The following RBMS3 variants were observed in gnomAD, a reference collection of about 807,000 sequenced individuals.
The protein encoded by RBMS3 is RNA-binding motif, single-stranded-interacting protein 3.
RBMS3 carries 27 observed loss-of-function variants against 66.8 expected under a neutral mutation model. That is an observed-to-expected ratio of 0.40 (90% CI 0.30 to 0.56). RBMS3 has a LOEUF of 0.56. Among genes scored for constraint, RBMS3 ranks in the 20% least tolerant of loss-of-function variants. The pLI is 0.40. For synonymous variants in RBMS3, 188 were observed against 183.0 expected (o/e 1.03, Z -0.22); for missense variants, 513 against 549.5 (o/e 0.93, Z 0.66).
At chr3:29,865,047 G>GGGAA (rs367736059) in intron 6 of RBMS3, among the ~76,000 whole-genome samples, 5 of 127,988 alleles carry the variant, frequency 3.9e-5, no homozygotes, top group Admixed American at 7.9e-5. Context: ...GGAGGAAGGA[G>GGGAA]GGAAGGAAGG....
intron 4 of RBMS3, chr3:29,616,429 T>C (rs1226720338): frequency 6.5e-6 from 1 of 152,700 alleles, no homozygotes; most frequent in Non-Finnish European, 1.5e-5. Flanking sequence ...GAGGTTGCAA[T>C]GAGCTGAGAT....
At chr3:29,607,972 A>C (rs1576349861) in intron 4 of RBMS3, among the ~76,000 whole-genome samples, 1 of 152,176 alleles carries the variant, frequency 6.6e-6, no homozygotes, top group South Asian at 2.1e-4. Context: ...CATACACAAA[A>C]GCAGAGAAAA....
At chr3:29,677,040 G>C (rs891539644) in intron 4 of RBMS3, among the ~76,000 whole-genome samples, 2 of 152,124 alleles carry the variant, frequency 1.3e-5, no homozygotes, top group Non-Finnish European at 2.9e-5. Context: ...AGCAGAAGCA[G>C]GCGTCTTACA....
chr3:29,777,186 C>T (rs943375827), intron 6 of RBMS3, among the ~76,000 whole-genome samples: 2 of 151,862 alleles, frequency 1.3e-5, no homozygotes, highest in Admixed American at 6.6e-5. Flanking sequence ...TTCCAACTTC[C>T]CTTTCCTTAA....
chr3:29,812,591 A>G (rs1328553382), intron 6 of RBMS3, among the ~76,000 whole-genome samples: 1 of 152,216 alleles, frequency 6.6e-6, no homozygotes, highest in African/African-American at 2.4e-5. Flanking sequence ...GTTGGGATCC[A>G]GTCTGCCCAT....
intron 10 of RBMS3, among the ~76,000 whole-genome samples, chr3:29,921,216 C>T (rs1272167843): frequency 6.6e-6 from 1 of 151,778 alleles, no homozygotes; most frequent in South Asian, 2.1e-4. Flanking sequence ...GCGCCCGCCA[C>T]CACGCCTGGC....
chr3:29,455,601 T>C (rs568074616), intron 2 of RBMS3, among the ~76,000 whole-genome samples: 2 of 152,306 alleles, frequency 1.3e-5, no homozygotes, highest in Non-Finnish European at 2.9e-5. Flanking sequence ...TTCATTGACA[T>C]TTGTCAATCA....
rs576130631 is a variant in RBMS3 at position 29,998,613 on chromosome 3, A to C, written c.1308-5243A>C. Among the ~76,000 whole-genome samples, 1,275 of 152,262 alleles carry C rather than the reference A, an allele frequency of 8.4e-3. 12 individuals are homozygous for C. Among genetic ancestry groups the C allele is most frequent in the African/African-American group, 0.023 (965 of 41,538 alleles). On this transcript the variant is annotated intron_variant, in intron 14 of 14. Transcript: ENST00000383767. ...ACAGAGCCCTCAGAAATAATGCCGC[A>C]TATCTACAACTATCTAATCTTTGAC...
At chr3:29,589,635 C>G (rs541484428) in intron 4 of RBMS3, among the ~76,000 whole-genome samples, 1 of 152,120 alleles carries the variant, frequency 6.6e-6, no homozygotes, top group African/African-American at 2.4e-5. Flanking sequence ...TAGCAGATTT[C>G]TCACTGAGCT....
At chr3:29,461,742 C>T (rs1290815260) in intron 2 of RBMS3, among the ~76,000 whole-genome samples, 3 of 149,876 alleles carry the variant, frequency 2.0e-5, no homozygotes, top group Non-Finnish European at 4.5e-5. Context: ...TTTTCTGAGT[C>T]TCTACTTCTT....
At chr3:29,473,560 C>T (rs112942591) in intron 2 of RBMS3, among the ~76,000 whole-genome samples, 5,592 of 152,276 alleles carry the variant, frequency 0.037, 156 homozygotes, top group Admixed American at 0.095. Flanking sequence ...CCAGGGGTGG[C>T]GCTCGTTGGG....
Position 29,506,638 on chromosome 3 carries a change from C to A in RBMS3, c.307+18139C>A, listed in dbSNP as rs140198249. ...CCCTCTGCTGCAATTTTTTGGAAGTCTTGTTTGAAAAGTATTAGTATCGGT... is the reference window on the plus strand; with the variant it reads ...CCCTCTGCTGCAATTTTTTGGAAGTATTGTTTGAAAAGTATTAGTATCGGT... On this transcript the variant is annotated intron_variant, in intron 3 of 14. Transcript: ENST00000383767. Among the ~76,000 whole-genome samples the A allele has an allele frequency of 2.2e-3, 328 of 151,974 alleles. 2 individuals carry two copies. The highest frequency in any genetic ancestry group is 7.6e-3 in the African/African-American group (316 of 41,526).
Position 29,521,026 on chromosome 3 carries a change from C to G in RBMS3, c.307+32527C>G, listed in dbSNP as rs544027960. Among the ~76,000 whole-genome samples the G allele has an allele frequency of 2.0e-4, 31 of 152,148 alleles. No individual in the cohort carries two copies. The South Asian group carries it at 6.2e-3, about 31-fold the overall frequency. ...CATCTCCGCTCACATTTAAGAGGCCCTCCTCTGACTTATTATCTAAAATAG... is the reference window on the plus strand; with the variant it reads ...CATCTCCGCTCACATTTAAGAGGCCGTCCTCTGACTTATTATCTAAAATAG... On this transcript the variant is annotated intron_variant, in intron 3 of 14. Coordinates refer to ENST00000383767, the MANE Select transcript of RBMS3 (RefSeq NM_001003793.3).
intron 1 of RBMS3, among the ~76,000 whole-genome samples, chr3:29,366,925 TC>T (rs1457499936): frequency 6.6e-6 from 1 of 152,120 alleles, no homozygotes; most frequent in Non-Finnish European, 1.5e-5. Flanking sequence ...TGGTCCTTGA[TC>T]AAGTAATCAA....
At chr3:29,916,721 A>T (rs116471264) in intron 10 of RBMS3, among the ~76,000 whole-genome samples, 2,861 of 152,132 alleles carry the variant, frequency 0.019, 38 homozygotes, top group South Asian at 0.037. Flanking sequence ...AATACGAAAC[A>T]TGTGGATTGT....
At chr3:29,284,333 C>G (rs1240513711) in intron 1 of RBMS3, among the ~76,000 whole-genome samples, 3 of 151,996 alleles carry the variant, frequency 2.0e-5, no homozygotes, top group Admixed American at 6.6e-5. Context: ...TTCTTCCTGC[C>G]AATCCACAAG....
chr3:29,833,869 C>T (rs2058436289), intron 6 of RBMS3, among the ~76,000 whole-genome samples: 1 of 151,976 alleles, frequency 6.6e-6, no homozygotes, highest in Non-Finnish European at 1.5e-5. Context: ...AGAAGACTCA[C>T]TACGACACAT....
intron 2 of RBMS3, among the ~76,000 whole-genome samples, chr3:29,440,245 T>C (rs1287419090): frequency 6.6e-6 from 1 of 152,210 alleles, no homozygotes; most frequent in Non-Finnish European, 1.5e-5. Context: ...ACAACATATT[T>C]TATCTAACCA....
At chr3:29,647,975 C>A (rs537289620) in intron 4 of RBMS3, among the ~76,000 whole-genome samples, 1 of 152,044 alleles carries the variant, frequency 6.6e-6, no homozygotes, top group Non-Finnish European at 1.5e-5. Flanking sequence ...TATATGAATT[C>A]CTGAAAGACT....
Sources: allele counts gnomAD v4.1 joint callset (sites outside exome capture counted in the v4.1 genomes callset), GRCh38; gene constraint gnomAD v4.1.1; transcripts MANE v1.5; gene names NCBI Gene and HGNC (gene_info 2026-07-23, HGNC 2026-07-21).